Variants in PIK3C2B observed in about 807,000 individuals in gnomAD.
PIK3C2B encodes the protein phosphatidylinositol 4-phosphate 3-kinase C2 domain-containing subunit beta.
PIK3C2B carries 83 observed loss-of-function variants against 184.3 expected under a neutral mutation model. The ratio of observed to expected loss-of-function variants is 0.45; its 90% CI spans 0.38 to 0.54. The LOEUF (loss-of-function observed/expected upper bound fraction) is 0.54, where lower values mean the gene tolerates loss of function less well. Ranked by LOEUF, PIK3C2B falls within the 20% of genes least tolerant of loss-of-function variation. PIK3C2B has a pLI of 0.00. For missense variants in PIK3C2B, 1,736 were observed against 2,113.5 expected, an observed-to-expected ratio of 0.82 and a Z score of 3.50; for synonymous variants, 779 against 837.6, an observed-to-expected ratio of 0.93 and a Z score of 1.21.
chr1:204,444,183 A>G (rs1219693103), intron 17 of PIK3C2B, 21 bp from the exon 18 acceptor site: 4 of 1,559,124 alleles, frequency 2.6e-6, no homozygotes, highest in Non-Finnish European at 3.5e-6. Flanking sequence ...GAAAGGGAGA[A>G]AGAGAATATG....
intron 1 of PIK3C2B, among the ~76,000 whole-genome samples, chr1:204,478,336 G>A (rs1656874078): frequency 1.3e-5 from 2 of 152,144 alleles, no homozygotes; most frequent in African/African-American, 4.8e-5. Flanking sequence ...GGCTCCAACT[G>A]CCCCTCCCAC....
intron 21 of PIK3C2B, among the ~76,000 whole-genome samples, 175 bp downstream of exon 21, chr1:204,441,296 G>A (rs1157384321): frequency 1.3e-5 from 2 of 152,162 alleles, no homozygotes; most frequent in Non-Finnish European, 2.9e-5. Flanking sequence ...CTGTTGTTAG[G>A]CCTCTGGGGC....
In PIK3C2B at chr1:204,454,558, G is replaced by A; in HGVS notation, c.2066+111C>T. The A allele has an allele frequency of 2.8e-6, 3 of 1,081,822 alleles. No homozygotes were observed. In the South Asian group the frequency reaches 4.7e-5, roughly 17 times the overall value. The allele number at this position is 1,081,822 out of a possible 1,614,324, so 67.0% of individuals were successfully genotyped here. Reference sequence around the variant, plus strand: ...TGACTTGTCCAGTTAGGGTTAACAAGGAGCCTGGTTTTATCATTAGTCCTG... The same window carrying A: ...TGACTTGTCCAGTTAGGGTTAACAAAGAGCCTGGTTTTATCATTAGTCCTG... On this transcript the variant is annotated intron_variant, in intron 12 of 32. Transcript: ENST00000684373.
Position 204,433,366 on chromosome 1 carries a change from A to G in PIK3C2B, c.3903T>C (p.Asp1301=), listed in dbSNP as rs758194633. The part of the protein sequence containing the change: ...SDLEDLKYVY[D]ALRPQDTEAN... Reference sequence around the variant, plus strand: ...CCTCTGTATCCTGAGGCCTCAGGGCATCGTACACATACTTGAGGTCCTCCA... The same window carrying G: ...CCTCTGTATCCTGAGGCCTCAGGGCGTCGTACACATACTTGAGGTCCTCCA... Residue 1301 remains aspartate, a synonymous_variant, in exon 26 of 33, where the codon GAT becomes GAC. Transcript: ENST00000684373. This position sits in a 1 kb window ranked among gnomAD's most constrained non-coding sequence, Gnocchi z 5.0. 7.4e-6 allele frequency: 12 copies of G among 1,612,558 alleles called. No homozygotes were observed. Among genetic ancestry groups the G allele is most frequent in the Admixed American group, 5.0e-5 (3 of 60,012 alleles).
intron 12 of PIK3C2B, among the ~76,000 whole-genome samples, chr1:204,452,511 G>A (rs1654460488): frequency 6.7e-6 from 1 of 149,718 alleles, no homozygotes; most frequent in African/African-American, 2.5e-5. Flanking sequence ...TCTCTTGACA[G>A]CAGCAGTAAT....
At chr1:204,425,072 TGAGAGAAGGAACAAGAAGAATCCA>T in intron 32 of PIK3C2B, 32 bp from the exon 33 acceptor site, 1 of 1,578,462 alleles carries the variant, frequency 6.3e-7, no homozygotes, top group Non-Finnish European at 8.7e-7. Flanking sequence ...AGGGAAGTGG[TGAGAGAAGGAACAAGAAGAATCCA>T]GAGGGAACCC....
chr1:204,455,925 C>T lies in PIK3C2B; in HGVS notation c.1874G>A (p.Cys625Tyr). The part of the protein sequence containing the change: ...SRKHDLVQEA[C>Y]HFARSLAFTV... ...GAAGGCCAGGGACCTGGCGAAATGG[C>T]AGGCCTCCTGGACCAGGTCATGCTT... The change falls in exon 11 of 33, where the codon TGC (cysteine) becomes TAC (tyrosine). Residue 625 changes from cysteine to tyrosine, a missense_variant. Around this residue, in one of 8 missense-constraint regions of PIK3C2B, gnomAD observed 609 missense variants for 699.2 expected, o/e 0.87. Coordinates refer to ENST00000684373, the MANE Select transcript of PIK3C2B (RefSeq NM_001377334.1). The T allele has an allele frequency of 3.7e-6, 6 of 1,614,156 alleles. No homozygotes were observed. Among genetic ancestry groups the T allele is most frequent in the Non-Finnish European group, 5.1e-6 (6 of 1,180,002 alleles).
intron 1 of PIK3C2B, among the ~76,000 whole-genome samples, chr1:204,480,709 C>CA (rs1657055196): frequency 6.6e-6 from 1 of 151,842 alleles, no homozygotes; most frequent in Non-Finnish European, 1.5e-5. Context: ...CGGCAGCTGA[C>CA]AGCCACCTGC....
At chr1:204,432,464 G>T in intron 26 of PIK3C2B, 63 bp from the exon 27 acceptor site, 1 of 1,282,502 alleles carries the variant, frequency 7.8e-7, no homozygotes. Context: ...CCTCGACAGG[G>T]GTGTTCCAAG....
chr1:204,455,957 C>T lies in PIK3C2B; in HGVS notation c.1842G>A (p.Gly614=), dbSNP rs932372398. The T allele has an allele frequency of 6.2e-7, 1 of 1,614,174 alleles. No individual in the cohort carries two copies. Among genetic ancestry groups the T allele is most frequent in the East Asian group, 2.2e-5 (1 of 44,880 alleles). Residue 614 remains glycine (G), a synonymous_variant, in exon 11 of 33, where the codon GGG becomes GGA. Coordinates refer to ENST00000684373, the MANE Select transcript of PIK3C2B (RefSeq NM_001377334.1). ...CCTGGACCAGGTCATGCTTGCGGCTCCCGGGCACTGCCGTCTGGAAGTCTG... is the reference window on the plus strand; with the variant it reads ...CCTGGACCAGGTCATGCTTGCGGCTTCCGGGCACTGCCGTCTGGAAGTCTG... ...FNADFQTAVP[G]SRKHDLVQEA... is the part of the protein sequence containing the mutation.
rs764314297 is a variant in PIK3C2B, at chr1:204,427,636, G to C, written c.4587+12C>G. The C allele has an allele frequency of 2.6e-6, 4 of 1,560,994 alleles. No individual in the cohort carries two copies. In the South Asian group the frequency reaches 4.4e-5, roughly 17 times the overall value. On this transcript the variant is annotated intron_variant, in intron 31 of 32. Transcript: ENST00000684373. Reference sequence around the variant, plus strand: ...AAAAAAGAAAAAAAATCACGGCTGTGCAGGCACTTACCAAGCCCCGAATAT... The same window carrying C: ...AAAAAAGAAAAAAAATCACGGCTGTCCAGGCACTTACCAAGCCCCGAATAT...
At chr1:204,472,685 C>T (rs375251323) in intron 1 of PIK3C2B, among the ~76,000 whole-genome samples, 35 of 152,030 alleles carry the variant, frequency 2.3e-4, no homozygotes, top group African/African-American at 8.2e-4. Flanking sequence ...GAGGCTGAGG[C>T]AGGAGAATCA....
intron 23 of PIK3C2B, among the ~76,000 whole-genome samples, chr1:204,437,388 G>T (rs1201312098): frequency 6.6e-6 from 1 of 152,174 alleles, no homozygotes; most frequent in African/African-American, 2.4e-5. Context: ...CCAGCTACTT[G>T]GGAGGCTGAG....
chr1:204,491,044 A>G (rs1229762797), intron 1 of PIK3C2B, among the ~76,000 whole-genome samples: 1 of 152,160 alleles, frequency 6.6e-6, no homozygotes, highest in Non-Finnish European at 1.5e-5. Flanking sequence ...CATGCCCATG[A>G]GATGTCCCAG....
chr1:204,476,327 T>C (rs1232997190), intron 1 of PIK3C2B, among the ~76,000 whole-genome samples: 1 of 152,044 alleles, frequency 6.6e-6, no homozygotes. Context: ...TCCCAAGGAC[T>C]TTGGGAAGCC....
At chr1:204,457,402 A>G (rs1317037359) in intron 9 of PIK3C2B, among the ~76,000 whole-genome samples, 1 of 152,092 alleles carries the variant, frequency 6.6e-6, no homozygotes, top group African/African-American at 2.4e-5. Context: ...GGCTCTAGAG[A>G]GATTTTCCTC....
chr1:204,482,020 C>G (rs1196051605), intron 1 of PIK3C2B, among the ~76,000 whole-genome samples: 2 of 149,584 alleles, frequency 1.3e-5, no homozygotes, highest in Non-Finnish European at 3.0e-5. Context: ...CATTAAAAAG[C>G]AGAATCTAAG....
chr1:204,464,716 G>T, intron 3 of PIK3C2B, 112 bp from the exon 4 acceptor site: 2 of 1,013,832 alleles, frequency 2.0e-6, no homozygotes, highest in Non-Finnish European at 1.4e-6. Context: ...TCCCCACTCA[G>T]CCCAGCCCTC....
At chr1:204,442,950 AT>A (rs924461498) in intron 19 of PIK3C2B, among the ~76,000 whole-genome samples, 21 of 152,216 alleles carry the variant, frequency 1.4e-4, no homozygotes, top group Admixed American at 1.3e-3. Context: ...AAAGCTAACA[AT>A]CTGGACGTTG....
Sources: gnomAD v4.1 joint callset for allele counts (sites outside exome capture counted in the v4.1 genomes callset) on GRCh38, gnomAD v4.1.1 for gene constraint, gnomAD v4.1.1 regional missense constraint, Gnocchi (gnomAD v3.1) non-coding constraint, MANE v1.5 for transcripts, NCBI Gene and HGNC (gene_info 2026-07-23, HGNC 2026-07-21) for gene names.